ANTXR1: variants seen among roughly 807,000 people sequenced by gnomAD.
ANTXR1 encodes ANTXR cell adhesion molecule 1.
A neutral mutation model predicts 78.1 loss-of-function variants in ANTXR1; 19 were observed. That is an observed-to-expected ratio of 0.24 (90% CI 0.17 to 0.36). ANTXR1 has a LOEUF of 0.36. Among genes scored for constraint, ANTXR1 ranks in the 10% least tolerant of loss-of-function variants. The pLI, the probability that ANTXR1 is intolerant of heterozygous loss-of-function variation, is 1.00. For missense variants in ANTXR1, 518 were observed against 718.6 expected (o/e 0.72, Z 3.19); for synonymous variants, 273 against 260.5 (o/e 1.05, Z -0.46).
intron 16 of ANTXR1, among the ~76,000 whole-genome samples, chr2:69,186,697 T>A (rs1172520918): frequency 6.6e-6 from 1 of 152,250 alleles, no homozygotes; most frequent in African/African-American, 2.4e-5. Context: ...GTTTCTTTAG[T>A]TGACAATCTA....
intron 10 of ANTXR1, among the ~76,000 whole-genome samples, chr2:69,114,920 G>A (rs1558562707): frequency 2.0e-5 from 3 of 152,138 alleles, no homozygotes; most frequent in Non-Finnish European, 4.4e-5. Context: ...CCAGTACCCT[G>A]CAGGCATGAA....
At chr2:69,188,858 T>C (rs1342553988) in intron 16 of ANTXR1, among the ~76,000 whole-genome samples, 1 of 152,216 alleles carries the variant, frequency 6.6e-6, no homozygotes, top group Non-Finnish European at 1.5e-5. Flanking sequence ...GACTCTTCTA[T>C]GGCACATCTA....
chr2:69,131,213 A>G (rs1318394512), intron 12 of ANTXR1, among the ~76,000 whole-genome samples: 1 of 152,178 alleles, frequency 6.6e-6, no homozygotes, highest in East Asian at 1.9e-4. Context: ...TTGCCTAAAA[A>G]AATAATTTTA....
chr2:69,220,403 C>T (rs185308847), intron 17 of ANTXR1, among the ~76,000 whole-genome samples: 1 of 152,244 alleles, frequency 6.6e-6, no homozygotes, highest in Admixed American at 6.5e-5. Flanking sequence ...CCAGACATTA[C>T]CATTAGAGCC....
rs1670938831 is a variant in ANTXR1 at position 69,013,725 on chromosome 2, T to C, written c.152+74T>C. 3.2e-6 allele frequency: 5 copies of C among 1,550,070 alleles called. No individual in the cohort carries two copies. Among genetic ancestry groups the C allele is most frequent in the Non-Finnish European group, 4.4e-6 (5 of 1,146,058 alleles). On this transcript the variant is annotated intron_variant, in intron 1 of 17. Coordinates refer to ENST00000303714, the MANE Select transcript of ANTXR1 (RefSeq NM_032208.3). The surrounding 1 kb of genome is among the most constrained non-coding windows in gnomAD (Gnocchi z 5.0). ...CGCTTTCGCCCCGGGCCGGGCTCGT[T>C]GGCAGGGTCGCCTGGGGACAGGAGC...
At chr2:69,038,648 G>A (rs535093223) in intron 1 of ANTXR1, among the ~76,000 whole-genome samples, 125 of 152,210 alleles carry the variant, frequency 8.2e-4, no homozygotes, top group African/African-American at 2.7e-3. Context: ...GTGTACTGGT[G>A]GATTTATAAT....
Position 69,245,775 on chromosome 2 carries a change from T to G in ANTXR1, c.*290T>G. 1 of 363,802 alleles carries G rather than the reference T, an allele frequency of 2.7e-6. No homozygotes were observed. The allele number at this position is 363,802 out of a possible 1,614,324, so 22.5% of individuals were successfully genotyped here. Reference sequence around the variant, plus strand: ...CTGCAAGATGCTCTCAACAGGATTATGTCTCATGGAGACCAGTAAGAAAAT... The same window carrying G: ...CTGCAAGATGCTCTCAACAGGATTAGGTCTCATGGAGACCAGTAAGAAAAT... On this transcript the variant is annotated 3_prime_UTR_variant, in exon 18 of 18. Transcript: ENST00000303714.
At chr2:69,077,285 G>T (rs1670762206) in intron 7 of ANTXR1, 123 bp from the exon 8 acceptor site, 1 of 997,616 alleles carries the variant, frequency 1.0e-6, no homozygotes, top group South Asian at 1.3e-5. Context: ...GCCCAGTGAA[G>T]GCCTCATATT....
rs549550485 is a variant in ANTXR1, at chr2:69,030,954, C to T, written c.153-9090C>T. Among the ~76,000 whole-genome samples, 15 of 152,246 alleles carry T rather than the reference C, an allele frequency of 9.9e-5. No homozygotes were observed. In the East Asian group the frequency reaches 1.3e-3, roughly 14 times the overall value. On this transcript the variant is annotated intron_variant, in intron 1 of 17. Coordinates refer to ENST00000303714, the MANE Select transcript of ANTXR1 (RefSeq NM_032208.3). ...AGTGATTGTCTGGGACATAAGCTGG[C>T]GAACTATGGCCTGCAGCCTGTTTTT...
At chr2:69,044,015 G>A (rs1465085941) in intron 2 of ANTXR1, among the ~76,000 whole-genome samples, 1 of 152,216 alleles carries the variant, frequency 6.6e-6, no homozygotes, top group African/African-American at 2.4e-5. Flanking sequence ...ATCCACTGCA[G>A]TCTGATGGTC....
At chr2:69,132,637 A>G (rs978331833) in intron 12 of ANTXR1, among the ~76,000 whole-genome samples, 1 of 152,194 alleles carries the variant, frequency 6.6e-6, no homozygotes. Context: ...TTTGTCTTCT[A>G]TTTCTTTTCC....
intron 8 of ANTXR1, among the ~76,000 whole-genome samples, chr2:69,078,269 A>G (rs987664519): frequency 1.3e-5 from 2 of 152,220 alleles, no homozygotes; most frequent in East Asian, 1.9e-4. Flanking sequence ...TGCACCTGCA[A>G]TGATGTTCAG....
At chr2:69,029,992 A>G (rs1044365675) in intron 1 of ANTXR1, among the ~76,000 whole-genome samples, 5 of 152,220 alleles carry the variant, frequency 3.3e-5, no homozygotes, top group African/African-American at 1.2e-4. Flanking sequence ...TTACATATGC[A>G]AGAAGATGCG....
At chr2:69,158,832 A>G (rs1306428268) in intron 13 of ANTXR1, among the ~76,000 whole-genome samples, 2 of 152,218 alleles carry the variant, frequency 1.3e-5, no homozygotes, top group Admixed American at 6.5e-5. Flanking sequence ...AACTTATGAC[A>G]TGTTCAGCTT....
intron 6 of ANTXR1, among the ~76,000 whole-genome samples, chr2:69,074,091 A>C (rs1415506681): frequency 6.6e-6 from 1 of 152,250 alleles, no homozygotes; most frequent in Non-Finnish European, 1.5e-5. Context: ...TGAGTGAGAT[A>C]CAGCTGCTGC....
intron 3 of ANTXR1, among the ~76,000 whole-genome samples, chr2:69,054,555 G>C (rs748496148): frequency 2.6e-5 from 4 of 152,136 alleles, no homozygotes; most frequent in Non-Finnish European, 5.9e-5. Context: ...GAGGTAGAAT[G>C]GAAGCCAAGA....
intron 17 of ANTXR1, among the ~76,000 whole-genome samples, chr2:69,220,234 AT>A (rs1460584568): frequency 6.6e-6 from 1 of 152,144 alleles, no homozygotes; most frequent in Non-Finnish European, 1.5e-5. Flanking sequence ...TGTGGCTCAG[AT>A]TTTCCACCTA....
chr2:69,107,160 G>A (rs908559346), intron 10 of ANTXR1, among the ~76,000 whole-genome samples: 1 of 151,720 alleles, frequency 6.6e-6, no homozygotes, highest in East Asian at 1.9e-4. Flanking sequence ...TTTCACCCAA[G>A]TTTTATCAAG....
At chr2:69,090,298 A>G (rs7586231) in intron 8 of ANTXR1, among the ~76,000 whole-genome samples, 142,348 of 151,718 alleles carry the variant, frequency 0.94, 66,857 homozygotes, top group African/African-American at 0.98. Context: ...AGTTCAAGAA[A>G]TCTATGTACT....
Sources: gnomAD v4.1 joint callset for allele counts (sites outside exome capture counted in the v4.1 genomes callset) on GRCh38, gnomAD v4.1.1 for gene constraint, Gnocchi (gnomAD v3.1) non-coding constraint, MANE v1.5 for transcripts, NCBI Gene and HGNC (gene_info 2026-07-23, HGNC 2026-07-21) for gene names.